The following TMLHE variants were observed in gnomAD, a reference collection of about 807,000 sequenced individuals.
TMLHE encodes trimethyllysine dioxygenase, mitochondrial.
TMLHE carries 18 observed loss-of-function variants against 25.7 expected under a neutral mutation model. The observed-to-expected ratio is 0.70, with a 90% confidence interval of 0.48 to 1.04. The LOEUF is 1.04. Ranked by LOEUF, TMLHE falls within the 50% of genes least tolerant of loss-of-function variation. The pLI, the probability that TMLHE is intolerant of heterozygous loss-of-function variation, is 0.00. For synonymous variants in TMLHE, 105 were observed against 97.0 expected, an observed-to-expected ratio of 1.08 and a Z score of -0.49; for missense variants, 236 against 259.0, an observed-to-expected ratio of 0.91 and a Z score of 0.61.
At chrX:155,547,380 G>A (rs368403544) in intron 1 of TMLHE, among the ~76,000 whole-genome samples, 8 of 109,327 alleles carry the variant, frequency 7.3e-5, no homozygotes, top group South Asian at 3.9e-4. Context: ...TCCTGACCTC[G>A]TGATCCGCCG....
intron 1 of TMLHE, among the ~76,000 whole-genome samples, chrX:155,548,445 C>G (rs1557339235): frequency 9.0e-6 from 1 of 111,228 alleles, no homozygotes; most frequent in Non-Finnish European, 1.9e-5. Flanking sequence ...TATTTAAAGA[C>G]ATCCTACAGG....
At position 155,549,443 on chromosome X, in the gene TMLHE, G is replaced by T. The variant is rs73577059; in HGVS notation, c.-1-4166C>A. ...TTCTGAGAGTATTTATCAGGAATATGACTTGAATTTTAGTAAATGTACTTT... is the reference window on the plus strand; with the variant it reads ...TTCTGAGAGTATTTATCAGGAATATTACTTGAATTTTAGTAAATGTACTTT... On this transcript the variant is annotated intron_variant, in intron 1 of 7. Coordinates refer to ENST00000334398, the MANE Select transcript of TMLHE (RefSeq NM_018196.4). Among the ~76,000 whole-genome samples the T allele has an allele frequency of 1.4e-3, 157 of 110,349 alleles. 6 individuals are homozygous for T. Among genetic ancestry groups the T allele is most frequent in the African/African-American group, 5.1e-3 (153 of 29,848 alleles).
intron 4 of TMLHE, among the ~76,000 whole-genome samples, chrX:155,513,689 TCTC>T (rs1316616522): frequency 9.1e-6 from 1 of 110,312 alleles, no homozygotes; most frequent in East Asian, 2.9e-4. Context: ...ACTATCCAGT[TCTC>T]CTTACAGTCA....
chrX:155,528,641 A>G (rs1347324443), intron 2 of TMLHE, among the ~76,000 whole-genome samples: 2 of 111,667 alleles, frequency 1.8e-5, no homozygotes, highest in South Asian at 3.7e-4. Context: ...AGCTCCATCC[A>G]AGTTGCTGCA....
intron 1 of TMLHE, among the ~76,000 whole-genome samples, chrX:155,582,309 C>A (rs782228608): frequency 3.6e-5 from 4 of 111,946 alleles, no homozygotes; most frequent in African/African-American, 1.3e-4. Flanking sequence ...GCAACAAAAG[C>A]CAAAACTGAC....
At chrX:155,526,109 G>A (rs1312788473) in intron 2 of TMLHE, among the ~76,000 whole-genome samples, 1 of 112,836 alleles carries the variant, frequency 8.9e-6, no homozygotes, top group East Asian at 2.8e-4. Flanking sequence ...CAATGGGGGG[G>A]AAATGTCTCC....
intron 1 of TMLHE, among the ~76,000 whole-genome samples, chrX:155,591,713 T>C (rs2124485523): frequency 9.0e-6 from 1 of 111,550 alleles, no homozygotes; most frequent in South Asian, 3.7e-4. Flanking sequence ...GTGGTAAGGA[T>C]GTGGAGAAAA....
In TMLHE at chrX:155,506,809, A is replaced by G. The variant is rs2067078702; in HGVS notation, c.995+89T>C. The stretch of plus-strand genomic sequence containing the variant: ...TAGAATAGCAAGATTAAAATGTAGC[A>G]GATATAAGAATCTTAGGGATTTTTG... On this transcript the variant is annotated intron_variant, in intron 6 of 7. Coordinates refer to ENST00000334398, the MANE Select transcript of TMLHE (RefSeq NM_018196.4). The G allele has an allele frequency of 7.1e-6, 5 of 708,037 alleles. No individual in the cohort carries two copies. In the South Asian group the frequency reaches 1.2e-4, roughly 17 times the overall value. 58.4% of individuals were successfully genotyped at this position (708,037 alleles called of 1,213,427 possible).
chrX:155,586,708 C>CA (rs1460553170), intron 1 of TMLHE, among the ~76,000 whole-genome samples: 1 of 111,553 alleles, frequency 9.0e-6, no homozygotes, highest in Non-Finnish European at 1.9e-5. Context: ...AACAGAAATA[C>CA]AAAAGATCAT....
intron 3 of TMLHE, among the ~76,000 whole-genome samples, chrX:155,523,874 T>C (rs1557336096): frequency 8.9e-6 from 1 of 111,970 alleles, no homozygotes; most frequent in African/African-American, 3.2e-5. Context: ...TATACATATT[T>C]TGTTAGATTA....
At chrX:155,512,267 C>G (rs371476947) in intron 4 of TMLHE, among the ~76,000 whole-genome samples, 65 of 107,340 alleles carry the variant, frequency 6.1e-4, no homozygotes, top group Non-Finnish European at 8.4e-4. Flanking sequence ...GCTGCACCCA[C>G]TAACTCATCA....
intron 2 of TMLHE, among the ~76,000 whole-genome samples, chrX:155,529,236 G>A (rs1442581897): frequency 1.8e-5 from 2 of 111,219 alleles, no homozygotes; most frequent in Admixed American, 9.5e-5. Context: ...GTACAGCCTT[G>A]GGAATCTGGA....
intron 1 of TMLHE, among the ~76,000 whole-genome samples, chrX:155,556,969 C>G (rs2067461171): frequency 8.9e-6 from 1 of 112,298 alleles, no homozygotes; most frequent in African/African-American, 3.2e-5. Flanking sequence ...AAATATGGTT[C>G]TGTTCTGCCC....
intron 1 of TMLHE, among the ~76,000 whole-genome samples, chrX:155,608,005 A>G (rs782772176): frequency 3.1e-4 from 35 of 112,167 alleles, no homozygotes; most frequent in African/African-American, 1.1e-3. Context: ...TATAGATTCA[A>G]TGCTATTCTT....
Position 155,514,239 on chromosome X carries a change from C to A in TMLHE, c.385G>T (p.Asp129Tyr), listed in dbSNP as rs2067137468. 1.7e-6 allele frequency: 2 copies of A among 1,205,958 alleles called. No individual in the cohort carries two copies. The highest frequency in any genetic ancestry group is 1.8e-5 in the South Asian group (1 of 56,543). Residue 129 changes from aspartate to tyrosine, a missense_variant, in exon 4 of 8, where the codon GAT becomes TAT. Coordinates refer to ENST00000334398, the MANE Select transcript of TMLHE (RefSeq NM_018196.4). ...CTGTTTTTCACCAGCCAATTCAAATCATATTTAGTCACATGACCATCTGGC... is the reference window on the plus strand; with the variant it reads ...CTGTTTTTCACCAGCCAATTCAAATAATATTTAGTCACATGACCATCTGGC... Reference protein sequence around the residue: ...TWPDGHVTKYDLNWLVKNSYE... With the variant: ...TWPDGHVTKYYLNWLVKNSYE...
At chrX:155,600,127 T>C (rs185138909) in intron 1 of TMLHE, among the ~76,000 whole-genome samples, 129 of 111,939 alleles carry the variant, frequency 1.2e-3, no homozygotes, top group African/African-American at 3.8e-3. Flanking sequence ...ATCTACCAAG[T>C]AAATTGAGAG....
At chrX:155,597,434 G>A (rs1335175578) in intron 1 of TMLHE, among the ~76,000 whole-genome samples, 1 of 111,520 alleles carries the variant, frequency 9.0e-6, no homozygotes, top group African/African-American at 3.3e-5. Flanking sequence ...GGAAGTCAGT[G>A]TGGCGATTCC....
At chrX:155,524,172 G>T in intron 3 of TMLHE, 1 of 232,186 alleles carries the variant, frequency 4.3e-6, no homozygotes, top group Non-Finnish European at 7.7e-6. Flanking sequence ...AAATAAGAGT[G>T]GTGAGAGTGG....
chrX:155,548,571 T>TA (rs371897999), intron 1 of TMLHE, among the ~76,000 whole-genome samples: 8 of 108,996 alleles, frequency 7.3e-5, no homozygotes, highest in South Asian at 7.9e-4. Context: ...CTGTCTCTAC[T>TA]AAAAAATACA....
Sources: allele counts gnomAD v4.1 joint callset (sites outside exome capture counted in the v4.1 genomes callset), GRCh38; gene constraint gnomAD v4.1.1; transcripts MANE v1.5; gene names NCBI Gene and HGNC (gene_info 2026-07-23, HGNC 2026-07-21).